TMEM132C: variants seen among roughly 807,000 people sequenced by gnomAD.
TMEM132C encodes protein phosphatase 1, regulatory subunit 152.
A neutral mutation model predicts 61.4 loss-of-function variants in TMEM132C; 29 were observed. The observed-to-expected ratio is 0.47, with a 90% CI of 0.35 to 0.64. TMEM132C has a LOEUF of 0.64. Ranked by LOEUF, TMEM132C falls within the 30% of genes least tolerant of loss-of-function variation. The pLI, the probability that TMEM132C is intolerant of heterozygous loss-of-function variation, is 0.00. For missense variants in TMEM132C, 1,408 were observed against 1,476.9 expected (o/e 0.95, Z 0.76); for synonymous variants, 656 against 633.1 (o/e 1.04, Z -0.54).
At chr12:128,357,391 A>T (rs1378316435) in intron 1 of TMEM132C, among the ~76,000 whole-genome samples, 1 of 152,100 alleles carries the variant, frequency 6.6e-6, no homozygotes, top group Non-Finnish European at 1.5e-5. Flanking sequence ...ATGCAGTCAG[A>T]TTGCTAAATT....
At chr12:128,697,759 T>C (rs1954776554) in intron 8 of TMEM132C, among the ~76,000 whole-genome samples, 1 of 152,202 alleles carries the variant, frequency 6.6e-6, no homozygotes, top group Non-Finnish European at 1.5e-5. Context: ...AAAGAGACCA[T>C]ATTCCTTTGA....
At chr12:128,601,659 G>A (rs969792308) in intron 3 of TMEM132C, among the ~76,000 whole-genome samples, 1 of 148,952 alleles carries the variant, frequency 6.7e-6, no homozygotes, top group African/African-American at 2.4e-5. Flanking sequence ...TGAGGTGGAG[G>A]GCGCTTGGCG....
At chr12:128,694,056 G>T (rs1166024390) in intron 6 of TMEM132C, 22 bp downstream of exon 6, 6 of 1,549,180 alleles carry the variant, frequency 3.9e-6, no homozygotes, top group Non-Finnish European at 5.2e-6. Flanking sequence ...ATGGGGAGAT[G>T]CCCTAGAGCC....
At chr12:128,601,639 G>A (rs749052997) in intron 3 of TMEM132C, among the ~76,000 whole-genome samples, 2 of 148,954 alleles carry the variant, frequency 1.3e-5, no homozygotes, top group Admixed American at 6.7e-5. Flanking sequence ...AAAAGCACAG[G>A]CAGGGGCACT....
intron 3 of TMEM132C, among the ~76,000 whole-genome samples, chr12:128,592,408 G>A (rs1304282870): frequency 6.6e-6 from 1 of 152,204 alleles, no homozygotes; most frequent in Non-Finnish European, 1.5e-5. Context: ...GTTTCTGAAT[G>A]GCAAGTTCTC....
intron 2 of TMEM132C, among the ~76,000 whole-genome samples, chr12:128,421,154 C>T (rs1868974671): frequency 1.3e-5 from 2 of 152,110 alleles, no homozygotes; most frequent in Admixed American, 6.6e-5. Flanking sequence ...CACCTCTCAC[C>T]CTCTCCCCTT....
intron 2 of TMEM132C, among the ~76,000 whole-genome samples, chr12:128,427,699 G>A (rs1869243328): frequency 6.6e-6 from 1 of 152,066 alleles, no homozygotes; most frequent in Admixed American, 6.6e-5. Context: ...TCCCGTTAAG[G>A]CACTCGGCTG....
At position 128,697,299 on chromosome 12, in the gene TMEM132C, G is replaced by T; in HGVS notation, c.2005G>T (p.Asp669Tyr). 1 of 1,551,074 alleles carries T rather than the reference G, an allele frequency of 6.4e-7. No individual in the cohort carries two copies. The highest frequency in any genetic ancestry group is 1.4e-5 in the African/African-American group (1 of 73,182). The part of the protein sequence containing the change: ...TVLDDKVSVT[D>Y]LAIQLVAGLS... ...GCTAGATGACAAAGTATCGGTGACA[G>T]ACTTGGCCATCCAGCTCGTGGCTGG... Residue 669 changes from aspartate (D) to tyrosine (Y), a missense_variant, in exon 8 of 9, where the codon GAC becomes TAC. Asp to Tyr is a radical substitution (Grantham distance 160, BLOSUM62 -3). Transcript: ENST00000435159.
chr12:128,545,222 A>G (rs1873906546), intron 3 of TMEM132C, among the ~76,000 whole-genome samples: 1 of 152,162 alleles, frequency 6.6e-6, no homozygotes, highest in African/African-American at 2.4e-5. Context: ...AACATGGAGT[A>G]TTTGGTTTTC....
chr12:128,448,554 A>G (rs1870069946), intron 2 of TMEM132C, among the ~76,000 whole-genome samples: 1 of 152,130 alleles, frequency 6.6e-6, no homozygotes, highest in Non-Finnish European at 1.5e-5. Context: ...AGTCGAGCCA[A>G]TGCCCGGGAT....
At chr12:128,372,520 GTCTT>G (rs1000271911) in intron 1 of TMEM132C, among the ~76,000 whole-genome samples, 2 of 152,028 alleles carry the variant, frequency 1.3e-5, no homozygotes, top group African/African-American at 4.8e-5. Flanking sequence ...TATAGAAGTG[GTCTT>G]TCTTAGCTAA....
Position 128,693,958 on chromosome 12 carries a change from C to T in TMEM132C, c.1579C>T (p.Pro527Ser), listed in dbSNP as rs1954738275. ...LCVTVWVPRL[P>S]LQIEVSDTEL... ...TGTCACCGTGTGGGTGCCCCGGCTG[C>T]CCCTGCAGATCGAGGTCTCTGACAC... The change falls in exon 6 of 9, where the codon CCC becomes TCC. Residue 527 changes from proline (P) to serine (S), a missense_variant. Physicochemically the swap from Pro to Ser is moderately conservative, Grantham distance 74. Transcript: ENST00000435159. 1 of 1,551,784 alleles carries T rather than the reference C, an allele frequency of 6.4e-7. No individual in the cohort carries two copies. The highest frequency in any genetic ancestry group is 8.7e-7 in the Non-Finnish European group (1 of 1,147,028).
At chr12:128,552,417 C>T (rs1874205326) in intron 3 of TMEM132C, among the ~76,000 whole-genome samples, 1 of 152,172 alleles carries the variant, frequency 6.6e-6, no homozygotes, top group African/African-American at 2.4e-5. Flanking sequence ...CTAACGGTCT[C>T]ATGAACTGAG....
intron 1 of TMEM132C, among the ~76,000 whole-genome samples, chr12:128,363,289 C>G (rs1230955528): frequency 6.6e-6 from 1 of 152,240 alleles, no homozygotes; most frequent in Non-Finnish European, 1.5e-5. Flanking sequence ...AAGTCCCAAT[C>G]AAAGCCTGCT....
At chr12:128,384,644 T>C (rs1347119899) in intron 1 of TMEM132C, among the ~76,000 whole-genome samples, 1 of 152,112 alleles carries the variant, frequency 6.6e-6, no homozygotes, top group East Asian at 1.9e-4. Flanking sequence ...GTTGGATCAG[T>C]CTTGTTCAGT....
chr12:128,593,091 A>G (rs1412639620), intron 3 of TMEM132C, among the ~76,000 whole-genome samples: 2 of 129,092 alleles, frequency 1.5e-5, no homozygotes, highest in South Asian at 2.4e-4. Flanking sequence ...CTTCTCTCTT[A>G]CCTCTCTTTC....
intron 2 of TMEM132C, among the ~76,000 whole-genome samples, chr12:128,526,267 A>C (rs1228439785): frequency 6.6e-6 from 1 of 152,174 alleles, no homozygotes; most frequent in Non-Finnish European, 1.5e-5. Flanking sequence ...AACAGAATTT[A>C]ATTTCTCAGA....
intron 4 of TMEM132C, among the ~76,000 whole-genome samples, chr12:128,666,061 TCATACA>T (rs1489568345): frequency 5.4e-5 from 2 of 37,112 alleles, no homozygotes; most frequent in African/African-American, 1.7e-4. Context: ...ACACAGGCAC[TCATACA>T]CAAACACACA....
At chr12:128,496,950 G>T (rs529251278) in intron 2 of TMEM132C, among the ~76,000 whole-genome samples, 6 of 152,176 alleles carry the variant, frequency 3.9e-5, no homozygotes, top group African/African-American at 1.4e-4. Flanking sequence ...GTTTTTTCCC[G>T]ATCTTTGTGG....
Sources: allele counts gnomAD v4.1 joint callset (sites outside exome capture counted in the v4.1 genomes callset), GRCh38; gene constraint gnomAD v4.1.1; transcripts MANE v1.5; gene names NCBI Gene and HGNC (gene_info 2026-07-23, HGNC 2026-07-21).